UBXN4: variants seen among roughly 807,000 people sequenced by gnomAD.
The protein encoded by UBXN4 is UBX domain protein 4.
Under a neutral mutation model 66.2 loss-of-function variants are expected in UBXN4, and 35 were observed. The observed-to-expected ratio is 0.53, with a 90% CI of 0.40 to 0.70. The LOEUF is 0.70. Ranked by LOEUF, UBXN4 falls within the 30% of genes least tolerant of loss-of-function variation. The pLI is 0.00. For synonymous variants in UBXN4, 203 were observed against 204.5 expected, an observed-to-expected ratio of 0.99 and a Z score of 0.06; for missense variants, 533 against 599.8, an observed-to-expected ratio of 0.89 and a Z score of 1.16.
At chr2:135,744,656 G>T (rs1190412489) in intron 1 of UBXN4, among the ~76,000 whole-genome samples, 2 of 152,152 alleles carry the variant, frequency 1.3e-5, no homozygotes, top group African/African-American at 4.8e-5. Context: ...CTGGCTGTAT[G>T]AGGGTCTGCA....
In UBXN4 at chr2:135,770,551, A is replaced by G. The variant is rs756670979; in HGVS notation, c.658-20A>G. Reference sequence around the variant, plus strand: ...CAGATTATCAAGTTTTTGGATCATAAAACTTTTTCTTTAATTCAGAGAGAA... The same window carrying G: ...CAGATTATCAAGTTTTTGGATCATAGAACTTTTTCTTTAATTCAGAGAGAA... On this transcript the variant is annotated intron_variant, in intron 7 of 12. Transcript: ENST00000272638. 2.8e-6 allele frequency: 4 copies of G among 1,417,846 alleles called. No homozygotes were observed. The East Asian group carries it at 1.0e-4, about 36-fold the overall frequency. The allele number at this position is 1,417,846 out of a possible 1,614,324, so 87.8% of individuals were successfully genotyped here.
At chr2:135,763,981 G>C (rs926733257) in intron 6 of UBXN4, among the ~76,000 whole-genome samples, 1 of 151,978 alleles carries the variant, frequency 6.6e-6, no homozygotes, top group African/African-American at 2.4e-5. Context: ...ACAAAAATTA[G>C]CTGGGCATGG....
At chr2:135,753,402 T>C in intron 2 of UBXN4, 137 bp from the exon 3 acceptor site, 1 of 588,066 alleles carries the variant, frequency 1.7e-6, no homozygotes, top group Non-Finnish European at 2.8e-6. Context: ...TTTTTCTCCT[T>C]CAACCTGATT....
chr2:135,761,473 T>C (rs2077315691), intron 5 of UBXN4, among the ~76,000 whole-genome samples: 1 of 152,208 alleles, frequency 6.6e-6, no homozygotes, highest in Non-Finnish European at 1.5e-5. Flanking sequence ...GCTTGTCTAG[T>C]GGCTGCTGTG....
intron 6 of UBXN4, 37 bp downstream of exon 6, chr2:135,761,948 A>G: frequency 6.4e-7 from 1 of 1,574,338 alleles, no homozygotes; most frequent in Non-Finnish European, 8.7e-7. Context: ...TTTTGTTTAA[A>G]AAGACAGTGG....
chr2:135,746,354 C>A (rs2077207463), intron 1 of UBXN4, among the ~76,000 whole-genome samples: 1 of 152,130 alleles, frequency 6.6e-6, no homozygotes, highest in Non-Finnish European at 1.5e-5. Context: ...AGATTTTAGT[C>A]TTGTCAGTAA....
intron 6 of UBXN4, among the ~76,000 whole-genome samples, chr2:135,766,370 G>T (rs1297395847): frequency 6.6e-6 from 1 of 152,102 alleles, no homozygotes; most frequent in Non-Finnish European, 1.5e-5. Flanking sequence ...TCATACTCAA[G>T]AAATTCTCAA....
At chr2:135,781,572 A>G (rs1271519577) in intron 12 of UBXN4, among the ~76,000 whole-genome samples, 3 of 152,140 alleles carry the variant, frequency 2.0e-5, no homozygotes, top group Non-Finnish European at 2.9e-5. Flanking sequence ...GTAATGACAT[A>G]TAAGTATTGT....
rs1397692410 is a variant in UBXN4, at chr2:135,753,586, A to T, written c.214+19A>T. The T allele has an allele frequency of 2.0e-6, 3 of 1,520,840 alleles. No individual in the cohort carries two copies. In the African/African-American group the frequency reaches 4.3e-5, roughly 22 times the overall value. 94.2% of individuals were successfully genotyped at this position (1,520,840 alleles called of 1,614,324 possible). On this transcript the variant is annotated intron_variant, in intron 3 of 12. Transcript: ENST00000272638. Reference sequence around the variant, plus strand: ...CAAATCTGTATCCTTTCAGTAAAGAATGGCTTATATATATACATTTATTTA... The same window carrying T: ...CAAATCTGTATCCTTTCAGTAAAGATTGGCTTATATATATACATTTATTTA...
chr2:135,769,807 G>A lies in UBXN4; in HGVS notation c.641G>A (p.Arg214Lys), dbSNP rs746738297. 6.3e-7 allele frequency: 1 copy of A among 1,595,050 alleles called. No individual in the cohort carries two copies. The change falls in exon 7 of 13, where the codon AGA becomes AAA. Residue 214 changes from arginine (R) to lysine (K), a missense_variant. Around this residue, in one of 2 missense-constraint regions of UBXN4, gnomAD observed 529 missense variants for 580.1 expected, o/e 0.91. Transcript: ENST00000272638. ...CTTGAAGAAAGGAGAGAAGAGAAAA[G>A]AAAAGAGGAAGAACAGGTAAAGTTC... ...KKLEERREEK[R>K]KEEEQREIKK...
Position 135,783,007 on chromosome 2 carries a change from A to T in UBXN4, c.*120A>T. 1 of 1,103,824 alleles carries T rather than the reference A, an allele frequency of 9.1e-7. No homozygotes were observed. The highest frequency in any genetic ancestry group is 1.3e-6 in the Non-Finnish European group (1 of 780,944). 68.4% of individuals were successfully genotyped at this position (1,103,824 alleles called of 1,614,324 possible). On this transcript the variant is annotated 3_prime_UTR_variant, in exon 13 of 13. Transcript: ENST00000272638. ...CAACTGGTCTATAAAATGTCTCTTT[A>T]TTCCTGCTTAGTGGGTGTGGGTTGA...
chr2:135,767,779 G>T (rs574993752), intron 6 of UBXN4, among the ~76,000 whole-genome samples: 1 of 152,182 alleles, frequency 6.6e-6, no homozygotes, highest in South Asian at 2.1e-4. Context: ...TATATATGAA[G>T]AAGCGGGAAT....
chr2:135,776,253 G>A lies in UBXN4; in HGVS notation c.955G>A (p.Val319Ile). The A allele has an allele frequency of 6.2e-7, 1 of 1,613,590 alleles. No individual in the cohort carries two copies. The highest frequency in any genetic ancestry group is 8.5e-7 in the Non-Finnish European group (1 of 1,179,700). Residue 319 changes from valine (V) to isoleucine (I), a missense_variant, in exon 10 of 13, where the codon GTT (valine) becomes ATT (isoleucine). Val to Ile is a conservative substitution (Grantham distance 29). Transcript: ENST00000272638. The stretch of plus-strand genomic sequence containing the variant: ...TTTAATTTTCTTTTTTCATAGCACT[G>A]TTGCAAGAATTCAATTCCGTCTTCC... ...RESYARERST[V>I]ARIQFRLPDG...
chr2:135,781,092 G>A (rs140690659), intron 12 of UBXN4, among the ~76,000 whole-genome samples: 7 of 152,310 alleles, frequency 4.6e-5, no homozygotes, highest in African/African-American at 1.4e-4. Flanking sequence ...CCAGGCACAT[G>A]TCTGTGGTCC....
At chr2:135,747,686 G>A in intron 1 of UBXN4, 1 of 456,304 alleles carries the variant, frequency 2.2e-6, no homozygotes, top group Non-Finnish European at 4.4e-6. Context: ...CCAGGCTGGA[G>A]TGCAGTGGTG....
chr2:135,742,871 G>GT (rs1185192060), intron 1 of UBXN4: 1 of 150,870 alleles, frequency 6.6e-6, no homozygotes, highest in African/African-American at 2.4e-5. Flanking sequence ...TCTTCCCTTT[G>GT]TTGTCTTCTT....
Position 135,784,200 on chromosome 2 carries a change from ATGCAGACAATGTTTAGG to A in UBXN4, c.*1315_*1331del, listed in dbSNP as rs1171093131. Reference sequence around the variant, plus strand: ...TCCAGTAGCTTCTTCTAAATCATAAATGCAGACAATGTTTAGGTAAAGACATACTCATTAAGTGTTAT... The same window carrying A: ...TCCAGTAGCTTCTTCTAAATCATAAATAAAGACATACTCATTAAGTGTTAT... On this transcript the variant is annotated 3_prime_UTR_variant, in exon 13 of 13. Coordinates refer to ENST00000272638, the MANE Select transcript of UBXN4 (RefSeq NM_014607.4). 2 of 152,232 alleles carry A rather than the reference ATGCAGACAATGTTTAGG, an allele frequency of 1.3e-5. No individual in the cohort carries two copies. The highest frequency in any genetic ancestry group is 2.9e-5 in the Non-Finnish European group (2 of 68,036). The allele number at this position is 152,232 out of a possible 1,614,324, so 9.4% of individuals were successfully genotyped here. A position where few individuals can be genotyped will look rare whatever the true frequency, so the allele number is the denominator to read the frequency against.
intron 6 of UBXN4, among the ~76,000 whole-genome samples, chr2:135,768,285 G>GC (rs1334845887): frequency 6.6e-6 from 1 of 151,672 alleles, no homozygotes; most frequent in Non-Finnish European, 1.5e-5. Context: ...TGCAACCTCC[G>GC]CCCCCCAGGT....
intron 7 of UBXN4, among the ~76,000 whole-genome samples, chr2:135,770,145 T>G (rs1307698828): frequency 6.6e-6 from 1 of 152,214 alleles, no homozygotes; most frequent in African/African-American, 2.4e-5. Flanking sequence ...AAAAAATGTA[T>G]AGACATTTTG....
Sources: gnomAD v4.1 joint callset for allele counts (sites outside exome capture counted in the v4.1 genomes callset) on GRCh38, gnomAD v4.1.1 for gene constraint, gnomAD v4.1.1 regional missense constraint, MANE v1.5 for transcripts, NCBI Gene and HGNC (gene_info 2026-07-23, HGNC 2026-07-21) for gene names.